The following PALD1 variants were observed in gnomAD, a reference collection of about 807,000 sequenced individuals.
The protein encoded by PALD1 is paladin.
Under a neutral mutation model 96.0 loss-of-function variants are expected in PALD1, and 57 were observed. That is an observed-to-expected ratio of 0.59 (90% CI 0.48 to 0.74). The LOEUF is 0.74. Among genes scored for constraint, PALD1 ranks in the 30% least tolerant of loss-of-function variants. The pLI, the probability that PALD1 is intolerant of heterozygous loss-of-function variation, is 0.00. For missense variants in PALD1, 1,063 were observed against 1,143.7 expected (o/e 0.93, Z 1.02); for synonymous variants, 464 against 473.6 (o/e 0.98, Z 0.26).
chr10:70,468,796 G>T, the PALD1 span, among the ~76,000 whole-genome samples: 1 of 151,704 alleles, frequency 6.6e-6, no homozygotes, highest in Non-Finnish European at 1.5e-5. Flanking sequence ...GAGTGCAGTG[G>T]TGTGATCTTG....
rs770989216 is a variant in PALD1, at chr10:70,528,701, C to T, written c.186-528C>T. 1.2e-4 allele frequency among the ~76,000 whole-genome samples: 19 copies of T among 152,182 alleles called. 1 individual carries two copies. The highest frequency in any genetic ancestry group is 2.2e-4 in the Non-Finnish European group (15 of 68,034). On this transcript the variant is annotated intron_variant, in intron 2 of 19. Coordinates refer to ENST00000263563, the MANE Select transcript of PALD1 (RefSeq NM_014431.3). ...CCCAGATAAGATGCCTTCCTCAGGACGAAGCTCATCTCTTACATGCAAGTC... is the reference window on the plus strand; with the variant it reads ...CCCAGATAAGATGCCTTCCTCAGGATGAAGCTCATCTCTTACATGCAAGTC...
At chr10:70,549,046 C>CAAAAAAAAAAA in intron 18 of PALD1, among the ~76,000 whole-genome samples, 1 of 74,692 alleles carries the variant, frequency 1.3e-5, no homozygotes. Context: ...TTGTCTCTAC[C>CAAAAAAAAAAA]AAAAAAAAAA....
intron 2 of PALD1, among the ~76,000 whole-genome samples, chr10:70,528,327 T>C (rs1178732976): frequency 6.6e-6 from 1 of 152,244 alleles, no homozygotes; most frequent in Non-Finnish European, 1.5e-5. Flanking sequence ...GATTTTTATC[T>C]GTGGGTTTTG....
intron 17 of PALD1, among the ~76,000 whole-genome samples, chr10:70,545,157 G>C (rs764649110): frequency 1.3e-5 from 2 of 151,396 alleles, no homozygotes; most frequent in Non-Finnish European, 2.9e-5. Flanking sequence ...GGGACAGGGC[G>C]CTGTGGGGAC....
At chr10:70,523,851 T>C (rs1247013548) in intron 1 of PALD1, among the ~76,000 whole-genome samples, 4 of 152,066 alleles carry the variant, frequency 2.6e-5, no homozygotes, top group African/African-American at 7.2e-5. Flanking sequence ...GGAGTTGTTC[T>C]CTCTGAGAGT....
intron 1 of PALD1, among the ~76,000 whole-genome samples, chr10:70,490,907 G>A (rs1314123003): frequency 6.6e-6 from 1 of 152,200 alleles, no homozygotes; most frequent in Admixed American, 6.5e-5. Context: ...TTGAAGATAA[G>A]CATGGAATAG....
At chr10:70,558,791 G>C (rs1000328567) in intron 18 of PALD1, among the ~76,000 whole-genome samples, 1 of 152,162 alleles carries the variant, frequency 6.6e-6, no homozygotes, top group Non-Finnish European at 1.5e-5. Context: ...TTTAGAGAAA[G>C]TATGAAAATA....
At chr10:70,463,939 G>A in the PALD1 span, among the ~76,000 whole-genome samples, 3 of 152,168 alleles carry the variant, frequency 2.0e-5, no homozygotes, top group African/African-American at 7.2e-5. Flanking sequence ...GAACTTAGTA[G>A]GTGAAGGGGA....
chr10:70,546,255 C>G lies in PALD1; in HGVS notation c.2122-1051C>G, dbSNP rs1002930371. ...CCATCTCAAGCAAAACAAAACAAAA[C>G]AAAACAAAAATAAGCACCTTAGATC... is the stretch of plus-strand genomic sequence containing the variant. On this transcript the variant is annotated intron_variant, in intron 17 of 19. Coordinates refer to ENST00000263563, the MANE Select transcript of PALD1 (RefSeq NM_014431.3). Among the ~76,000 whole-genome samples, 6 of 152,150 alleles carry G rather than the reference C, an allele frequency of 3.9e-5. No homozygotes were observed. In the South Asian group the frequency reaches 1.2e-3, roughly 32 times the overall value.
rs1005059432 is a variant in PALD1 at position 70,529,303 on chromosome 10, A to G, written c.260A>G (p.Asp87Gly). ...KAHYTLGRLS[D>G]NTPEHYLVQG... The stretch of plus-strand genomic sequence containing the variant: ...CATTACACGTTGGGCCGGCTCTCGG[A>G]CAACACCCCTGAGCACTACCTGGTG... The change falls in exon 3 of 20, where the codon GAC (aspartate) becomes GGC (glycine). Residue 87 changes from aspartate to glycine, a missense_variant. Coordinates refer to ENST00000263563, the MANE Select transcript of PALD1 (RefSeq NM_014431.3). 1 of 1,580,686 alleles carries G rather than the reference A, an allele frequency of 6.3e-7. No homozygotes were observed. The highest frequency in any genetic ancestry group is 8.6e-7 in the Non-Finnish European group (1 of 1,160,258).
intron 10 of PALD1, among the ~76,000 whole-genome samples, chr10:70,536,741 G>A (rs1369918031): frequency 6.6e-6 from 1 of 152,212 alleles, no homozygotes; most frequent in Non-Finnish European, 1.5e-5. Flanking sequence ...AAAGTTTGCC[G>A]ACACCTGGTG....
At chr10:70,541,937 A>G (rs879623314) in intron 17 of PALD1, among the ~76,000 whole-genome samples, 10 of 152,200 alleles carry the variant, frequency 6.6e-5, no homozygotes, top group Non-Finnish European at 1.2e-4. Flanking sequence ...ATTTCAGATT[A>G]GGGCACTGGA....
chr10:70,521,535 T>C (rs1238252055), intron 1 of PALD1, among the ~76,000 whole-genome samples: 1 of 152,030 alleles, frequency 6.6e-6, no homozygotes, highest in Non-Finnish European at 1.5e-5. Context: ...AGGTTTCCTC[T>C]TTTTTCTTTT....
the PALD1 span, among the ~76,000 whole-genome samples, chr10:70,466,817 C>T: frequency 2.0e-5 from 3 of 152,136 alleles, no homozygotes; most frequent in East Asian, 1.9e-4. Context: ...GCAAGGGCCC[C>T]GGGGCAGGCA....
intron 1 of PALD1, among the ~76,000 whole-genome samples, chr10:70,514,772 G>A (rs573425917): frequency 1.2e-4 from 19 of 152,346 alleles, no homozygotes; most frequent in East Asian, 5.8e-4. Flanking sequence ...GGCAGAGTGC[G>A]CCTGGGCAGA....
chr10:70,518,552 T>C (rs1375383914), intron 1 of PALD1, among the ~76,000 whole-genome samples: 1 of 152,232 alleles, frequency 6.6e-6, no homozygotes, highest in Non-Finnish European at 1.5e-5. Context: ...CCTGATGACA[T>C]GATCCCGAAC....
chr10:70,506,091 C>T (rs1846384118), intron 1 of PALD1, among the ~76,000 whole-genome samples: 1 of 152,184 alleles, frequency 6.6e-6, no homozygotes, highest in Non-Finnish European at 1.5e-5. Context: ...CTGTGTCATT[C>T]TTGGGCCTTA....
chr10:70,532,391 G>A (rs1014235433), intron 5 of PALD1, among the ~76,000 whole-genome samples: 1 of 152,186 alleles, frequency 6.6e-6, no homozygotes, highest in Non-Finnish European at 1.5e-5. Flanking sequence ...GTGAATTCCT[G>A]CACCCACTGG....
intron 10 of PALD1, 148 bp downstream of exon 10, chr10:70,534,991 G>A: frequency 1.5e-6 from 1 of 646,402 alleles, no homozygotes; most frequent in Non-Finnish European, 2.8e-6. Context: ...AGGAAGGGGA[G>A]ATAGGGGCTC....
Sources: allele counts gnomAD v4.1 joint callset (sites outside exome capture counted in the v4.1 genomes callset), GRCh38; gene constraint gnomAD v4.1.1; transcripts MANE v1.5; gene names NCBI Gene and HGNC (gene_info 2026-07-23, HGNC 2026-07-21).